USP42: variants seen among roughly 807,000 people sequenced by gnomAD.
USP42 encodes the protein ubiquitin carboxyl-terminal hydrolase 42.
In USP42, 23 loss-of-function variants were observed where a neutral mutation model predicts 113.0. The observed-to-expected ratio is 0.20, with a 90% confidence interval of 0.15 to 0.29. The LOEUF (loss-of-function observed/expected upper bound fraction) is 0.29. USP42 is among the 10% of genes least tolerant of loss of function. The pLI is 1.00. For synonymous variants in USP42, 933 were observed against 699.0 expected (o/e 1.33, Z -5.28); for missense variants, 2,174 against 1,779.8 (o/e 1.22, Z -3.99).
At chr7:6,136,046 C>G in intron 4 of USP42, 95 bp downstream of exon 4, 3 of 782,268 alleles carry the variant, frequency 3.8e-6, no homozygotes, top group Non-Finnish European at 5.7e-6. Flanking sequence ...GCTCTGTCGC[C>G]TAGGCTGGAA....
intron 15 of USP42, among the ~76,000 whole-genome samples, 197 bp from the exon 16 acceptor site, chr7:6,156,557 C>T (rs1190893644): frequency 6.6e-6 from 1 of 152,124 alleles, no homozygotes; most frequent in African/African-American, 2.4e-5. Context: ...TCAAGTGATC[C>T]TCCTGCTTCA....
chr7:6,158,565 G>C lies in USP42; in HGVS notation c.3944-885G>C, dbSNP rs1045174776. Among the ~76,000 whole-genome samples the C allele has an allele frequency of 1.8e-4, 27 of 152,242 alleles. No individual in the cohort carries two copies. The highest frequency in any genetic ancestry group is 5.9e-5 in the Non-Finnish European group (4 of 68,046). ...TTAGAGTGTGTGAGAGAGAGCTGGG[G>C]GTTGCGGGGTGAGCCCCATGGGGGA... On this transcript the variant is annotated intron_variant, in intron 16 of 17. Transcript: ENST00000306177. This position sits in a 1 kb window ranked among gnomAD's most constrained non-coding sequence, Gnocchi z 4.2.
the USP42 span, among the ~76,000 whole-genome samples, chr7:6,094,720 T>G: frequency 2.0e-5 from 3 of 151,094 alleles, no homozygotes; most frequent in African/African-American, 7.4e-5. Context: ...CTCTGCGATT[T>G]TCTCCCATCA....
At chr7:6,116,700 C>A in intron 3 of USP42, 2 of 481,474 alleles carry the variant, frequency 4.2e-6, no homozygotes, top group Non-Finnish European at 8.1e-6. Flanking sequence ...TTAAAGAAAC[C>A]AAAGAAAAAT....
chr7:6,144,331 G>T, intron 9 of USP42, 135 bp downstream of exon 9: 1 of 615,364 alleles, frequency 1.6e-6, no homozygotes, highest in Non-Finnish European at 2.8e-6. Flanking sequence ...GGGCTTCATT[G>T]TCTGTTTTGT....
chr7:6,111,429 T>C, intron 2 of USP42, 55 bp downstream of exon 2: 1 of 1,576,094 alleles, frequency 6.3e-7, no homozygotes. Flanking sequence ...TAAATGCTGC[T>C]GGGGCTTGGT....
chr7:6,098,055 C>T, the USP42 span, among the ~76,000 whole-genome samples: 1 of 148,376 alleles, frequency 6.7e-6, no homozygotes, highest in Admixed American at 6.7e-5. Context: ...CAGGCACACA[C>T]CACTACCCCA....
rs572423768 is a variant in USP42, at chr7:6,144,587, C to T, written c.990+391C>T. Among the ~76,000 whole-genome samples the T allele has an allele frequency of 3.9e-5, 6 of 152,254 alleles. No individual in the cohort carries two copies. In the East Asian group the frequency reaches 5.8e-4, roughly 15 times the overall value. ...TCCTGAATTATTAAAATTAAATAAT[C>T]GGCCGAGTGTGGTGGCTCACGCCCG... On this transcript the variant is annotated intron_variant, in intron 9 of 17. Coordinates refer to ENST00000306177, the MANE Select transcript of USP42 (RefSeq NM_032172.3).
chr7:6,081,893 C>T, the USP42 span: 1 of 152,076 alleles, frequency 6.6e-6, no homozygotes, highest in Non-Finnish European at 1.5e-5. Context: ...TTAACACTAA[C>T]ATATATAGAA....
In USP42 at chr7:6,154,082, C is replaced by G. The variant is rs748410824; in HGVS notation, c.2528C>G (p.Pro843Arg). The change falls in exon 15 of 18, where the codon CCG (proline) becomes CGG (arginine). Residue 843 changes from proline to arginine, a missense_variant. Pro to Arg is a moderately radical substitution (Grantham distance 103). Coordinates refer to ENST00000306177, the MANE Select transcript of USP42 (RefSeq NM_032172.3). Reference protein sequence around the residue: ...QDAKGMIAEGPRDSALAEAPE... With the variant: ...QDAKGMIAEGRRDSALAEAPE... ...GCAAAGGGGATGATCGCGGAGGGCCCGCGGGACTCGGCGTTGGCGGAAGCC... is the reference window on the plus strand; with the variant it reads ...GCAAAGGGGATGATCGCGGAGGGCCGGCGGGACTCGGCGTTGGCGGAAGCC... 5.0e-6 allele frequency: 8 copies of G among 1,605,608 alleles called. No homozygotes were observed. In the East Asian group the frequency reaches 8.9e-5, roughly 18 times the overall value.
At chr7:6,143,096 G>A (rs756854020) in intron 8 of USP42, 82 bp downstream of exon 8, 9 of 1,438,506 alleles carry the variant, frequency 6.3e-6, no homozygotes, top group Non-Finnish European at 8.8e-6. Context: ...AGAGTTTGGT[G>A]TGTCTAGGTT....
At chr7:6,121,860 T>C (rs188112615) in intron 3 of USP42, among the ~76,000 whole-genome samples, 2 of 152,300 alleles carry the variant, frequency 1.3e-5, no homozygotes, top group East Asian at 3.9e-4. Context: ...GAGGTCTCAC[T>C]ATGTTGCCCA....
intron 1 of USP42, among the ~76,000 whole-genome samples, chr7:6,110,202 T>G (rs979065216): frequency 6.6e-6 from 1 of 152,102 alleles, no homozygotes; most frequent in African/African-American, 2.4e-5. Flanking sequence ...TTTAGAAATA[T>G]CCCTAAAAGC....
the USP42 span, among the ~76,000 whole-genome samples, chr7:6,093,287 C>CT: frequency 6.9e-6 from 1 of 145,654 alleles, no homozygotes; most frequent in South Asian, 2.2e-4. Flanking sequence ...TTTCTTCTCT[C>CT]TCTTTTTTTT....
Position 6,139,977 on chromosome 7 carries a change from TG to T in USP42, c.657-148del. ...TGTTCTGGCCAGGAAGGGATGCTCT[TG>T]GGCTGCCACACGTGCCATCCTTTTA... On this transcript the variant is annotated intron_variant, in intron 5 of 17. Transcript: ENST00000306177. The surrounding 1 kb of genome is among the most constrained non-coding windows in gnomAD (Gnocchi z 4.5). 1.3e-6 allele frequency: 1 copy of T among 746,654 alleles called. No individual in the cohort carries two copies. The highest frequency in any genetic ancestry group is 2.4e-6 in the Non-Finnish European group (1 of 421,562). The allele number at this position is 746,654 out of a possible 1,614,324, so 46.3% of individuals were successfully genotyped here. A position where few individuals can be genotyped will look rare whatever the true frequency, so the allele number is the denominator to read the frequency against.
chr7:6,108,606 G>T (rs574087722), intron 1 of USP42, among the ~76,000 whole-genome samples: 1 of 151,982 alleles, frequency 6.6e-6, no homozygotes, highest in South Asian at 2.1e-4. Context: ...TCAGCTTCCC[G>T]AGTAGCTGGG....
intron 1 of USP42, among the ~76,000 whole-genome samples, chr7:6,107,730 A>AT (rs896236896): frequency 1.3e-5 from 2 of 150,860 alleles, no homozygotes; most frequent in African/African-American, 4.9e-5. Context: ...TTTTTCCTGC[A>AT]TTTTTTTCTT....
the USP42 span, among the ~76,000 whole-genome samples, chr7:6,089,754 A>G: frequency 3.3e-4 from 49 of 148,804 alleles, 3 homozygotes; most frequent in African/African-American, 1.2e-3. Flanking sequence ...GCTGTTCTCA[A>G]ACTCCTGACC....
chr7:6,087,823 G>A, the USP42 span, among the ~76,000 whole-genome samples: 1 of 151,112 alleles, frequency 6.6e-6, no homozygotes, highest in South Asian at 2.1e-4. Flanking sequence ...GTCCCCAGAG[G>A]AACATATGTT....
Sources: gnomAD v4.1 joint callset for allele counts (sites outside exome capture counted in the v4.1 genomes callset) on GRCh38, gnomAD v4.1.1 for gene constraint, Gnocchi (gnomAD v3.1) non-coding constraint, MANE v1.5 for transcripts, NCBI Gene and HGNC (gene_info 2026-07-23, HGNC 2026-07-21) for gene names.